The following COL4A1 variants were observed in gnomAD, a reference collection of about 807,000 sequenced individuals.
COL4A1 encodes collagen alpha-1(IV) chain.
Under a neutral mutation model 216.6 loss-of-function variants are expected in COL4A1, and 40 were observed. The ratio of observed to expected loss-of-function variants is 0.18; its 90% CI spans 0.14 to 0.24. The LOEUF (loss-of-function observed/expected upper bound fraction) is 0.24, where lower values mean the gene tolerates loss of function less well. COL4A1 is among the 10% of genes least tolerant of loss of function. The pLI is 1.00. For synonymous variants in COL4A1, 839 were observed against 810.7 expected (o/e 1.03, Z -0.59); for missense variants, 1,628 against 2,196.8 (o/e 0.74, Z 5.18).
At chr13:110,196,620 T>A (rs190132428) in intron 21 of COL4A1, among the ~76,000 whole-genome samples, 1 of 150,658 alleles carries the variant, frequency 6.6e-6, no homozygotes, top group Admixed American at 6.6e-5. Context: ...AAAAAAAAAA[T>A]AGTACATCCT....
intron 1 of COL4A1, among the ~76,000 whole-genome samples, chr13:110,253,432 T>G (rs1229701440): frequency 2.2e-4 from 3 of 13,732 alleles, no homozygotes; most frequent in African/African-American, 4.6e-4. Context: ...TATAATTATA[T>G]GTATTACATA....
intron 44 of COL4A1, among the ~76,000 whole-genome samples, chr13:110,166,715 C>T (rs1391894435): frequency 6.6e-6 from 1 of 152,154 alleles, no homozygotes; most frequent in Non-Finnish European, 1.5e-5. Context: ...GGGCATAGGG[C>T]ACTGTTTTTG....
chr13:110,238,855 T>C (rs1881438719), intron 2 of COL4A1, among the ~76,000 whole-genome samples: 1 of 152,220 alleles, frequency 6.6e-6, no homozygotes, highest in South Asian at 2.1e-4. Context: ...TTGCCTTTCC[T>C]ACTATCTTAA....
chr13:110,225,914 G>A (rs1351308989), intron 2 of COL4A1, among the ~76,000 whole-genome samples: 1 of 152,210 alleles, frequency 6.6e-6, no homozygotes, highest in Non-Finnish European at 1.5e-5. Context: ...GTTTTACCTG[G>A]CAGCATTATT....
intron 18 of COL4A1, among the ~76,000 whole-genome samples, chr13:110,202,679 A>G (rs1879303754): frequency 6.6e-6 from 1 of 152,228 alleles, no homozygotes; most frequent in Admixed American, 6.5e-5. Flanking sequence ...AAATGGCTAA[A>G]AAAATTAAAG....
chr13:110,172,777 G>C lies in COL4A1; in HGVS notation c.3506-7C>G, dbSNP rs377592935. 1,087 of 1,613,638 alleles carry C rather than the reference G, an allele frequency of 6.7e-4. 1 individual carries two copies. The highest frequency in any genetic ancestry group is 6.6e-4 in the Non-Finnish European group (782 of 1,179,484). ...AATCCTCTTCCTGGTAGACCTATAA[G>C]ATGAGGGTAAAATGCCACGTTTCTC... On this transcript the variant is annotated splice_region_variant and splice_polypyrimidine_tract_variant and intron_variant, in intron 40 of 51. Coordinates refer to ENST00000375820, the MANE Select transcript of COL4A1 (RefSeq NM_001845.6).
intron 2 of COL4A1, among the ~76,000 whole-genome samples, chr13:110,225,834 G>A (rs561386003): frequency 5.3e-5 from 8 of 152,248 alleles, no homozygotes; most frequent in East Asian, 1.9e-4. Flanking sequence ...TGGCTCCAGC[G>A]CCAACCCCTG....
intron 18 of COL4A1, 106 bp from the exon 19 acceptor site, chr13:110,201,628 G>T (rs1054297495): frequency 9.7e-7 from 1 of 1,035,896 alleles, no homozygotes; most frequent in Non-Finnish European, 1.5e-6. Context: ...TTTATTTCAA[G>T]AAATATGAAA....
Position 110,211,956 on chromosome 13 carries a change from T to C in COL4A1, c.388-34A>G. On this transcript the variant is annotated intron_variant, in intron 6 of 51. Coordinates refer to ENST00000375820, the MANE Select transcript of COL4A1 (RefSeq NM_001845.6). This position sits in a 1 kb window ranked among gnomAD's most constrained non-coding sequence, Gnocchi z 4.3. The stretch of plus-strand genomic sequence containing the variant: ...ACAGCAGAGCATCATTCATACGCAC[T>C]GTGTGTGGCAGACACATCAGCCCTG... 6.2e-7 allele frequency: 1 copy of C among 1,605,908 alleles called. No individual in the cohort carries two copies. Among genetic ancestry groups the C allele is most frequent in the Non-Finnish European group, 8.5e-7 (1 of 1,172,586 alleles).
At chr13:110,235,581 C>A (rs1361406062) in intron 2 of COL4A1, among the ~76,000 whole-genome samples, 1 of 151,428 alleles carries the variant, frequency 6.6e-6, no homozygotes, top group Admixed American at 6.6e-5. Context: ...AACCAGTGAA[C>A]CCGGGAGGTG....
At chr13:110,249,850 A>T (rs999848951) in intron 1 of COL4A1, among the ~76,000 whole-genome samples, 1 of 152,200 alleles carries the variant, frequency 6.6e-6, no homozygotes, top group Admixed American at 6.5e-5. Flanking sequence ...AAAAGCTTAC[A>T]TTTGCATAAC....
chr13:110,187,658 T>C (rs1413081594), intron 24 of COL4A1, among the ~76,000 whole-genome samples: 1 of 152,182 alleles, frequency 6.6e-6, no homozygotes, highest in Non-Finnish European at 1.5e-5. Context: ...TCAACATTCA[T>C]AGGAACACAC....
At chr13:110,305,338 C>T (rs1001813605) in intron 1 of COL4A1, among the ~76,000 whole-genome samples, 1 of 152,208 alleles carries the variant, frequency 6.6e-6, no homozygotes, top group Non-Finnish European at 1.5e-5. Flanking sequence ...CGTTTGATTT[C>T]CCGGGTGAGA....
chr13:110,164,059 G>A (rs1020222050), intron 46 of COL4A1, among the ~76,000 whole-genome samples: 2 of 132,302 alleles, frequency 1.5e-5, no homozygotes, highest in African/African-American at 2.8e-5. Context: ...TGTGACCACC[G>A]CTCACTGCAG....
intron 24 of COL4A1, among the ~76,000 whole-genome samples, chr13:110,189,840 T>C (rs1878556237): frequency 6.6e-6 from 1 of 152,166 alleles, no homozygotes; most frequent in African/African-American, 2.4e-5. Flanking sequence ...TGCAGAGCTG[T>C]CTCTCCACTA....
intron 21 of COL4A1, among the ~76,000 whole-genome samples, chr13:110,195,782 C>G (rs16975572): frequency 0.025 from 3,786 of 152,260 alleles, 154 homozygotes; most frequent in African/African-American, 0.084. Flanking sequence ...CCCCAAGATC[C>G]TTGAAGAAAA....
intron 1 of COL4A1, among the ~76,000 whole-genome samples, chr13:110,294,866 TG>T: frequency 6.6e-6 from 1 of 152,346 alleles, no homozygotes; most frequent in South Asian, 2.1e-4. Context: ...GAATAGTGCC[TG>T]GCACATAGTG....
intron 1 of COL4A1, among the ~76,000 whole-genome samples, chr13:110,292,849 T>G (rs1235211376): frequency 6.6e-6 from 1 of 152,172 alleles, no homozygotes; most frequent in African/African-American, 2.4e-5. Context: ...ATTATCTCTA[T>G]GTAAAGGGTC....
rs759491266 is a variant in COL4A1 at position 110,169,608 on chromosome 13, A to G, written c.3876+21T>C. On this transcript the variant is annotated intron_variant, in intron 43 of 51. Coordinates refer to ENST00000375820, the MANE Select transcript of COL4A1 (RefSeq NM_001845.6). ...AGAAAAGACTCCTTTAAAAATAAAA[A>G]TCTACAAATCAATAACTCACAGGCA... 8 of 1,613,778 alleles carry G rather than the reference A, an allele frequency of 5.0e-6. No homozygotes were observed. In the Middle Eastern group the frequency reaches 6.6e-4, roughly 133 times the overall value.
Sources: allele counts gnomAD v4.1 joint callset (sites outside exome capture counted in the v4.1 genomes callset), GRCh38; gene constraint gnomAD v4.1.1; non-coding constraint Gnocchi (gnomAD v3.1); transcripts MANE v1.5; gene names NCBI Gene and HGNC (gene_info 2026-07-23, HGNC 2026-07-21).